RASSF7: variants seen among roughly 807,000 people sequenced by gnomAD.
RASSF7 encodes the protein ras association domain-containing protein 7.
Under a neutral mutation model 33.8 loss-of-function variants are expected in RASSF7, and 41 were observed. That is an observed-to-expected ratio of 1.21 (90% CI 0.95 to 1.57). The LOEUF (loss-of-function observed/expected upper bound fraction) is 1.57, where lower values mean the gene tolerates loss of function less well. Ranked by LOEUF, RASSF7 falls within the 40% of genes most tolerant of loss-of-function variation. The probability of loss-of-function intolerance (pLI) is 0.00; values close to 1 mark genes in which losing one functional copy is unlikely to be tolerated. For synonymous variants in RASSF7, 298 were observed against 212.8 expected (o/e 1.40, Z -3.48); for missense variants, 622 against 497.0 (o/e 1.25, Z -2.39).
chr11:562,817 T>C, intron 3 of RASSF7, 41 bp downstream of exon 3: 1 of 1,394,172 alleles, frequency 7.2e-7, no homozygotes, highest in Middle Eastern at 2.6e-4. Context: ...CCCCCACCCC[T>C]GATATGGGCA....
At position 561,110 on chromosome 11, in the gene RASSF7, G is replaced by A; in HGVS notation, c.-375G>A. 3 of 985,568 alleles carry A rather than the reference G, an allele frequency of 3.0e-6. No individual in the cohort carries two copies. Among genetic ancestry groups the A allele is most frequent in the South Asian group, 4.7e-5 (1 of 21,304 alleles). 61.1% of individuals were successfully genotyped at this position (985,568 alleles called of 1,614,324 possible). ...CGGCCGGACGCCGACTCCAACTGGGGAGAGTTTTCCGCGATGCCCGGACGG... is the reference window on the plus strand; with the variant it reads ...CGGCCGGACGCCGACTCCAACTGGGAAGAGTTTTCCGCGATGCCCGGACGG... On this transcript the variant is annotated 5_prime_UTR_variant, in exon 1 of 6. Transcript: ENST00000397583.
chr11:561,345 T>G lies in RASSF7; in HGVS notation c.-140T>G. On this transcript the variant is annotated 5_prime_UTR_variant, in exon 1 of 6. Transcript: ENST00000397583. The stretch of plus-strand genomic sequence containing the variant: ...GTCTGCTCCATCTGCAGGGTCGAGG[T>G]CTGGGTTGCGACCCCGAGCGCCTCT... 1 of 1,017,080 alleles carries G rather than the reference T, an allele frequency of 9.8e-7. No individual in the cohort carries two copies. The highest frequency in any genetic ancestry group is 4.1e-5 in the South Asian group (1 of 24,658). The allele number at this position is 1,017,080 out of a possible 1,614,324, so 63.0% of individuals were successfully genotyped here. A position where few individuals can be genotyped will look rare whatever the true frequency, so the allele number is the denominator to read the frequency against.
Position 563,299 on chromosome 11 carries a change from G to C in RASSF7, c.933G>C (p.Arg311Ser). The change falls in exon 4 of 6, where the codon AGG becomes AGC. Residue 311 changes from arginine (R) to serine (S), a missense_variant. Coordinates refer to ENST00000397583, the MANE Select transcript of RASSF7 (RefSeq NM_003475.4). ...TGCCACCGCCCCCACGGCCTGACAG[G>C]GGCCCTCCTGGCACTCAGGTCGGAG... ...AALPPPPRPD[R>S]GPPGTQGPLP... 1 of 1,609,764 alleles carries C rather than the reference G, an allele frequency of 6.2e-7. No homozygotes were observed. The highest frequency in any genetic ancestry group is 8.5e-7 in the Non-Finnish European group (1 of 1,178,576).
At position 562,633 on chromosome 11, in the gene RASSF7, G is replaced by A; in HGVS notation, c.679G>A (p.Ala227Thr). ...GGCTGAGCTGCAGCTGGCAGCGGAG[G>A]CCCCTGGGCCCCCCTCACCTATGGC... Reference protein sequence around the residue: ...LEAELQLAAEAPGPPSPMASA... With the variant: ...LEAELQLAAETPGPPSPMASA... Residue 227 changes from alanine to threonine, a missense_variant, in exon 3 of 6, where the codon GCC becomes ACC. Coordinates refer to ENST00000397583, the MANE Select transcript of RASSF7 (RefSeq NM_003475.4). 1.3e-6 allele frequency: 2 copies of A among 1,543,448 alleles called. No individual in the cohort carries two copies. Among genetic ancestry groups the A allele is most frequent in the East Asian group, 4.9e-5 (2 of 40,914 alleles).
Position 562,791 on chromosome 11 carries a change from CT to C in RASSF7, c.822+16del. The stretch of plus-strand genomic sequence containing the variant: ...GAGCCTTGCAGGTGAGCCCGGGGAC[CT>C]GATCCCCTGTCACTCCCCCACCCCT... On this transcript the variant is annotated intron_variant, in intron 3 of 5. Transcript: ENST00000397583. The C allele has an allele frequency of 6.9e-7, 1 of 1,456,956 alleles. No individual in the cohort carries two copies. 90.3% of individuals were successfully genotyped at this position (1,456,956 alleles called of 1,614,324 possible).
At position 562,432 on chromosome 11, in the gene RASSF7, C is replaced by T. The variant is rs1853372743; in HGVS notation, c.478C>T (p.Leu160Phe). Reference sequence around the variant, plus strand: ...CTGCACAGACCTGCGGGGCCTGGAGCTCAGGGTGCAGAGGAATGCTGAGGA... The same window carrying T: ...CTGCACAGACCTGCGGGGCCTGGAGTTCAGGGTGCAGAGGAATGCTGAGGA... ...GCCTDLRGLE[L>F]RVQRNAEELG... Residue 160 changes from leucine (L) to phenylalanine (F), a missense_variant, in exon 3 of 6, where the codon CTC becomes TTC. Leu to Phe is a conservative substitution (Grantham distance 22). Coordinates refer to ENST00000397583, the MANE Select transcript of RASSF7 (RefSeq NM_003475.4). 1 of 1,553,298 alleles carries T rather than the reference C, an allele frequency of 6.4e-7. No individual in the cohort carries two copies. The highest frequency in any genetic ancestry group is 8.7e-7 in the Non-Finnish European group (1 of 1,148,316).
Sources: allele counts gnomAD v4.1 joint callset, GRCh38; gene constraint gnomAD v4.1.1; transcripts MANE v1.5; gene names NCBI Gene and HGNC (gene_info 2026-07-23, HGNC 2026-07-21).